The following LIPA variants were observed in gnomAD, a reference collection of about 807,000 sequenced individuals.
LIPA encodes lipase A, lysosomal acid type.
LIPA carries 26 observed loss-of-function variants against 40.6 expected under a neutral mutation model. The observed-to-expected ratio is 0.64, with a 90% confidence interval of 0.47 to 0.89. The LOEUF (loss-of-function observed/expected upper bound fraction) is 0.89, where lower values mean the gene tolerates loss of function less well. Among genes scored for constraint, LIPA ranks in the 40% least tolerant of loss-of-function variants. The probability of loss-of-function intolerance (pLI) is 0.00; values close to 1 mark genes in which losing one functional copy is unlikely to be tolerated. For missense variants in LIPA, 455 were observed against 479.6 expected (o/e 0.95, Z 0.48); for synonymous variants, 188 against 168.4 (o/e 1.12, Z -0.90).
chr10:89,394,696 T>G (rs1171395499), intron 2 of LIPA, among the ~76,000 whole-genome samples: 1 of 149,706 alleles, frequency 6.7e-6, no homozygotes, highest in Non-Finnish European at 1.5e-5. Flanking sequence ...AAAATAAAAT[T>G]TATCATTTTA....
At chr10:89,356,371 C>A (rs1843988541) in intron 2 of LIPA, among the ~76,000 whole-genome samples, 1 of 152,160 alleles carries the variant, frequency 6.6e-6, no homozygotes, top group African/African-American at 2.4e-5. Flanking sequence ...TGGTAGTAGT[C>A]CGAGGCCTGT....
chr10:89,336,797 C>T (rs1843748188), intron 1 of LIPA, among the ~76,000 whole-genome samples: 1 of 152,058 alleles, frequency 6.6e-6, no homozygotes. Flanking sequence ...AAAATAAGGA[C>T]ACTTGGTTTA....
exon 2 of LIPA, chr10:89,412,817 T>G (rs1272469143): frequency 4.9e-6 from 2 of 408,594 alleles, no homozygotes; most frequent in Non-Finnish European, 9.7e-6. Flanking sequence ...CAGACACATC[T>G]GAACATCGAA....
At chr10:89,382,751 A>G (rs1156248461) in intron 2 of LIPA, among the ~76,000 whole-genome samples, 1 of 152,268 alleles carries the variant, frequency 6.6e-6, no homozygotes, top group East Asian at 1.9e-4. Flanking sequence ...GAGTAAGTGC[A>G]CACAGGCAAA....
intron 1 of LIPA, among the ~76,000 whole-genome samples, chr10:89,318,863 C>T (rs1182350198): frequency 6.6e-6 from 1 of 152,228 alleles, no homozygotes; most frequent in Non-Finnish European, 1.5e-5. Flanking sequence ...AACAAACTGT[C>T]TCTCAGACCA....
chr10:89,216,029 G>A lies in LIPA; in HGVS notation c.895-20C>T, dbSNP rs749134387. ...AACAGCCTAAAAAGAAGATAATTTG[G>A]AAAAGAGTTATCTGACACCAAAGTT... On this transcript the variant is annotated intron_variant, in intron 8 of 9. Coordinates refer to ENST00000336233, the MANE Select transcript of LIPA (RefSeq NM_000235.4). 4 of 1,557,354 alleles carry A rather than the reference G, an allele frequency of 2.6e-6. No homozygotes were observed. In the East Asian group the frequency reaches 6.7e-5, roughly 26 times the overall value.
chr10:89,259,137 T>C (rs1843194860), intron 1 of LIPA, among the ~76,000 whole-genome samples: 1 of 152,230 alleles, frequency 6.6e-6, no homozygotes, highest in Non-Finnish European at 1.5e-5. Context: ...TCTGCAAATA[T>C]ACTGAATGCC....
rs797045094 is a variant in LIPA, at chr10:89,228,375, G to T, written c.253C>A (p.Gln85Lys). ...CTAGAATCTGCCAGCAAGCCATGTTGCAGGAAGACAACTGGTTTGGGACCT... is the reference window on the plus strand; with the variant it reads ...CTAGAATCTGCCAGCAAGCCATGTTTCAGGAAGACAACTGGTTTGGGACCT... ...DKGPKPVVFL[Q>K]HGLLADSSNW... is the part of the protein sequence containing the mutation. Residue 85 changes from glutamine to lysine, a missense_variant, in exon 4 of 10, where the codon CAA becomes AAA. By Grantham distance (53) the Gln-to-Lys change is moderately conservative. Transcript: ENST00000336233. 1.2e-6 allele frequency: 2 copies of T among 1,614,202 alleles called. No homozygotes were observed. Among genetic ancestry groups the T allele is most frequent in the East Asian group, 2.2e-5 (1 of 44,886 alleles).
At chr10:89,248,718 C>T (rs996970619) in intron 1 of LIPA, among the ~76,000 whole-genome samples, 28 of 146,994 alleles carry the variant, frequency 1.9e-4, no homozygotes, top group African/African-American at 5.1e-4. Flanking sequence ...CTCCTAACCT[C>T]GTGATCACGC....
At chr10:89,224,724 G>A (rs557225995) in intron 6 of LIPA, among the ~76,000 whole-genome samples, 18 of 152,186 alleles carry the variant, frequency 1.2e-4, no homozygotes, top group African/African-American at 4.3e-4. Flanking sequence ...TGGGCTTTTG[G>A]GAACATTTCC....
chr10:89,380,024 G>C (rs1844151089), intron 2 of LIPA, among the ~76,000 whole-genome samples: 1 of 149,424 alleles, frequency 6.7e-6, no homozygotes, highest in South Asian at 2.1e-4. Flanking sequence ...AACAGAGTGA[G>C]ACTCCGTCTC....
At chr10:89,393,408 C>A in intron 2 of LIPA, 1 of 768,832 alleles carries the variant, frequency 1.3e-6, no homozygotes, top group Non-Finnish European at 1.8e-6. Context: ...ACCTAAAGGG[C>A]CTAATGTGGG....
intron 4 of LIPA, 37 bp downstream of exon 4, chr10:89,228,163 A>C (rs1431274653): frequency 6.4e-7 from 1 of 1,565,426 alleles, no homozygotes; most frequent in South Asian, 1.1e-5. Flanking sequence ...AAGAGTACTA[A>C]GGAAATACAT....
chr10:89,336,428 C>G (rs748227559), intron 1 of LIPA, among the ~76,000 whole-genome samples: 2 of 152,146 alleles, frequency 1.3e-5, no homozygotes, highest in Non-Finnish European at 2.9e-5. Context: ...GCATCTCTCA[C>G]TATAAAGCAT....
intron 2 of LIPA, chr10:89,393,122 GA>G: frequency 7.7e-7 from 1 of 1,293,698 alleles, no homozygotes; most frequent in Non-Finnish European, 1.0e-6. Flanking sequence ...TTACCACAGA[GA>G]AAAAGCAGGA....
intron 2 of LIPA, among the ~76,000 whole-genome samples, chr10:89,373,678 G>T (rs1246301284): frequency 6.6e-6 from 1 of 152,162 alleles, no homozygotes; most frequent in African/African-American, 2.4e-5. Context: ...TAGAAAATAG[G>T]TATTTATTAG....
At chr10:89,379,088 G>C (rs1340267848) in intron 2 of LIPA, among the ~76,000 whole-genome samples, 1 of 152,172 alleles carries the variant, frequency 6.6e-6, no homozygotes, top group Non-Finnish European at 1.5e-5. Context: ...AAATTCACGT[G>C]GGAAAAAGAA....
intron 2 of LIPA, chr10:89,403,709 T>G (rs1844481684): frequency 2.0e-6 from 3 of 1,537,632 alleles, no homozygotes; most frequent in Non-Finnish European, 1.8e-6. Context: ...GACAAGGTCC[T>G]TAGGCACCCA....
chr10:89,338,558 TG>T, intron 1 of LIPA: 1 of 1,100,976 alleles, frequency 9.1e-7, no homozygotes, highest in Non-Finnish European at 1.3e-6. Flanking sequence ...ACCAAATATC[TG>T]GGCATCCTGT....
Sources: allele counts gnomAD v4.1 joint callset (sites outside exome capture counted in the v4.1 genomes callset), GRCh38; gene constraint gnomAD v4.1.1; transcripts MANE v1.5; gene names NCBI Gene and HGNC (gene_info 2026-07-23, HGNC 2026-07-21).